HS3ST4: variants seen among roughly 807,000 people sequenced by gnomAD.
HS3ST4 encodes heparan sulfate-glucosamine 3-sulfotransferase 4, also known as heparan sulfate glucosamine 3-O-sulfotransferase 4.
Under a neutral mutation model 29.2 loss-of-function variants are expected in HS3ST4, and 17 were observed. That is an observed-to-expected ratio of 0.58 (90% CI 0.40 to 0.87). HS3ST4 has a LOEUF of 0.87. Among genes scored for constraint, HS3ST4 ranks in the 40% least tolerant of loss-of-function variants. HS3ST4 has a pLI of 0.00. For synonymous variants in HS3ST4, 314 were observed against 285.7 expected (o/e 1.10, Z -1.00); for missense variants, 627 against 634.5 (o/e 0.99, Z 0.13).
In HS3ST4 at chr16:26,121,709, A is replaced by G. The variant is rs186565044; in HGVS notation, c.735-13903A>G. Among the ~76,000 whole-genome samples, 79 of 152,266 alleles carry G rather than the reference A, an allele frequency of 5.2e-4. 1 individual carries two copies. The East Asian group carries it at 0.011, about 22-fold the overall frequency. ...CTGTTGTCACTGTCTTTTCAACTGT[A>G]AGCACGAGTGCCTGTGCAGACACAC... On this transcript the variant is annotated intron_variant, in intron 1 of 1. Transcript: ENST00000331351.
At chr16:26,072,068 G>C (rs1187505344) in intron 1 of HS3ST4, among the ~76,000 whole-genome samples, 1 of 152,122 alleles carries the variant, frequency 6.6e-6, no homozygotes, top group Non-Finnish European at 1.5e-5. Flanking sequence ...CACATGAAGG[G>C]GAGAATAGTT....
chr16:25,874,311 T>TG (rs888987313), intron 1 of HS3ST4, among the ~76,000 whole-genome samples: 1 of 152,072 alleles, frequency 6.6e-6, no homozygotes, highest in Non-Finnish European at 1.5e-5. Flanking sequence ...GTAGAGTAGC[T>TG]GGGGTTATTC....
At chr16:25,879,445 G>A (rs1250146085) in intron 1 of HS3ST4, among the ~76,000 whole-genome samples, 1 of 152,212 alleles carries the variant, frequency 6.6e-6, no homozygotes, top group South Asian at 2.1e-4. Flanking sequence ...GAAGGTGAAA[G>A]GCACGTCTCG....
At chr16:25,849,835 AT>A (rs1967500290) in intron 1 of HS3ST4, among the ~76,000 whole-genome samples, 1 of 151,836 alleles carries the variant, frequency 6.6e-6, no homozygotes, top group South Asian at 2.1e-4. Flanking sequence ...CACATGTTTT[AT>A]TAATAAAATA....
chr16:25,809,651 A>C (rs1312155801), intron 1 of HS3ST4, among the ~76,000 whole-genome samples: 2 of 152,012 alleles, frequency 1.3e-5, no homozygotes, highest in East Asian at 3.9e-4. Context: ...TTTTTTTTGG[A>C]ATGTTAAAAT....
chr16:26,135,645 A>C lies in HS3ST4; in HGVS notation c.768A>C (p.Ile256=). The change falls in exon 2 of 2, where the codon ATA becomes ATC. Residue 256 remains isoleucine (I), a synonymous_variant. Transcript: ENST00000331351. ...TGCCCAAGACTTTGGATGGGCAAAT[A>C]ACCATGGAGAAGACTCCAAGTTACT... ...NVMPKTLDGQ[I]TMEKTPSYFV... The C allele has an allele frequency of 6.2e-7, 1 of 1,610,670 alleles. No individual in the cohort carries two copies. The highest frequency in any genetic ancestry group is 2.2e-5 in the East Asian group (1 of 44,844).
At chr16:25,716,927 A>G (rs988058343) in intron 1 of HS3ST4, among the ~76,000 whole-genome samples, 7 of 152,156 alleles carry the variant, frequency 4.6e-5, no homozygotes, top group Middle Eastern at 3.4e-3. Context: ...GATGGTGCAC[A>G]CCTATAATTC....
At chr16:25,829,363 T>C (rs1045090968) in intron 1 of HS3ST4, among the ~76,000 whole-genome samples, 3 of 152,214 alleles carry the variant, frequency 2.0e-5, no homozygotes, top group African/African-American at 7.2e-5. Flanking sequence ...AGTAGGCACA[T>C]GGGTAGAGAG....
chr16:25,802,925 ATATGTG>A (rs139334304), intron 1 of HS3ST4, among the ~76,000 whole-genome samples: 28,542 of 131,318 alleles, frequency 0.22, 2,938 homozygotes, highest in East Asian at 0.29. Flanking sequence ...TTTAAGTTAT[ATATGTG>A]TGTGTGTGTG....
intron 1 of HS3ST4, among the ~76,000 whole-genome samples, chr16:26,073,679 T>TTTACAC (rs111675353): frequency 6.6e-6 from 1 of 151,942 alleles, no homozygotes; most frequent in Non-Finnish European, 1.5e-5. Context: ...GGTCAGAACT[T>TTTACAC]TTAATATCTA....
chr16:25,695,658 CTCTT>C lies in HS3ST4; in HGVS notation c.734+2511_734+2514del, dbSNP rs1349030948. 2.6e-5 allele frequency among the ~76,000 whole-genome samples: 4 copies of C among 152,184 alleles called. No individual in the cohort carries two copies. In the East Asian group the frequency reaches 7.7e-4, roughly 29 times the overall value. On this transcript the variant is annotated intron_variant, in intron 1 of 1. Transcript: ENST00000331351. ...GTGGCATCGATTCCAGTATCAGAAA[CTCTT>C]TCTCCTGGTTTCCTAGTCCAACTCT... is the stretch of plus-strand genomic sequence containing the variant.
intron 1 of HS3ST4, among the ~76,000 whole-genome samples, chr16:25,900,767 G>C (rs191385680): frequency 0.011 from 1,740 of 152,100 alleles, 18 homozygotes; most frequent in Middle Eastern, 0.017. Context: ...CCAAACTCCC[G>C]GCACTGTAAC....
intron 1 of HS3ST4, among the ~76,000 whole-genome samples, chr16:25,791,877 C>T (rs1966869972): frequency 6.6e-6 from 1 of 151,912 alleles, no homozygotes; most frequent in South Asian, 2.1e-4. Flanking sequence ...TGTCTTATGG[C>T]ACCATAGGTC....
chr16:25,997,342 A>G (rs1045912984), intron 1 of HS3ST4, among the ~76,000 whole-genome samples: 2 of 152,202 alleles, frequency 1.3e-5, no homozygotes, highest in African/African-American at 4.8e-5. Flanking sequence ...TTCAAAATCA[A>G]CAGTTCTTTT....
At chr16:26,044,912 G>T (rs143075022) in intron 1 of HS3ST4, among the ~76,000 whole-genome samples, 6 of 152,158 alleles carry the variant, frequency 3.9e-5, no homozygotes, top group Admixed American at 6.5e-5. Flanking sequence ...GGCAGGGAAG[G>T]TAAACTGAGA....
chr16:25,828,280 CTTTCTTTCTTTCTTTCTTT>C (rs1967248996), intron 1 of HS3ST4, among the ~76,000 whole-genome samples: 37 of 89,296 alleles, frequency 4.1e-4, no homozygotes, highest in Middle Eastern at 5.1e-3. Context: ...TTCTTTCTTT[CTTTCTTTCTTTCTTTCTTT>C]CCCTCTCTCT....
At chr16:25,903,020 C>CA (rs768153842) in intron 1 of HS3ST4, among the ~76,000 whole-genome samples, 7,044 of 120,074 alleles carry the variant, frequency 0.059, 486 homozygotes, top group African/African-American at 0.18. Flanking sequence ...GACTCTGCCT[C>CA]AAAAAAAAAA....
At chr16:25,764,275 A>G (rs1217639229) in intron 1 of HS3ST4, among the ~76,000 whole-genome samples, 3 of 152,178 alleles carry the variant, frequency 2.0e-5, no homozygotes, top group Non-Finnish European at 4.4e-5. Context: ...CTGCAGGAGA[A>G]AGAGAGGGTG....
chr16:25,801,453 G>A (rs556996797), intron 1 of HS3ST4, among the ~76,000 whole-genome samples: 1 of 152,228 alleles, frequency 6.6e-6, no homozygotes, highest in South Asian at 2.1e-4. Flanking sequence ...GGAATTTCTG[G>A]TAAACATGCA....
Sources: allele counts gnomAD v4.1 joint callset (sites outside exome capture counted in the v4.1 genomes callset), GRCh38; gene constraint gnomAD v4.1.1; transcripts MANE v1.5; gene names NCBI Gene and HGNC (gene_info 2026-07-23, HGNC 2026-07-21).